The following P3H2 variants were observed in gnomAD, a reference collection of about 807,000 sequenced individuals.
P3H2 encodes the protein prolyl 3-hydroxylase 2.
Under a neutral mutation model 87.0 loss-of-function variants are expected in P3H2, and 80 were observed. The observed-to-expected ratio is 0.92, with a 90% confidence interval of 0.77 to 1.11. P3H2 has a LOEUF of 1.11. Among genes scored for constraint, P3H2 ranks in the 50% least tolerant of loss-of-function variants. The pLI is 0.00. For synonymous variants in P3H2, 367 were observed against 359.3 expected (o/e 1.02, Z -0.24); for missense variants, 1,001 against 923.9 (o/e 1.08, Z -1.08).
intron 1 of P3H2, among the ~76,000 whole-genome samples, chr3:190,068,315 C>T (rs73053184): frequency 6.6e-6 from 1 of 151,878 alleles, no homozygotes; most frequent in Admixed American, 6.6e-5. Flanking sequence ...TGAAAAGAAG[C>T]CTGGGAAATC....
chr3:190,044,717 G>A (rs1407127809), intron 1 of P3H2, among the ~76,000 whole-genome samples: 1 of 152,186 alleles, frequency 6.6e-6, no homozygotes, highest in African/African-American at 2.4e-5. Context: ...ATGGAGGAGT[G>A]ATTGATTGTA....
intron 1 of P3H2, among the ~76,000 whole-genome samples, chr3:190,072,192 A>AT (rs2108973643): frequency 6.6e-6 from 1 of 152,136 alleles, no homozygotes; most frequent in African/African-American, 2.4e-5. Flanking sequence ...CGCTTGGCTA[A>AT]TTTTTTGAAT....
intron 1 of P3H2, among the ~76,000 whole-genome samples, chr3:190,009,960 G>A (rs989548812): frequency 2.0e-5 from 3 of 152,120 alleles, no homozygotes; most frequent in African/African-American, 4.8e-5. Flanking sequence ...TCTAGGAGCT[G>A]AGGACGCTAA....
intron 1 of P3H2, among the ~76,000 whole-genome samples, chr3:190,044,703 A>G (rs1725745153): frequency 1.3e-5 from 2 of 152,198 alleles, no homozygotes; most frequent in African/African-American, 4.8e-5. Context: ...AAAAACTATC[A>G]CATATGGAGG....
intron 14 of P3H2, among the ~76,000 whole-genome samples, chr3:189,961,810 A>G (rs1447327414): frequency 6.6e-6 from 1 of 152,230 alleles, no homozygotes; most frequent in East Asian, 1.9e-4. Context: ...GATGTTTCCT[A>G]TTACAAAGGA....
At position 190,051,703 on chromosome 3, in the gene P3H2, C is replaced by T. The variant is rs77029166; in HGVS notation, c.481-56261G>A. Among the ~76,000 whole-genome samples the T allele has an allele frequency of 7.1e-3, 1,083 of 152,318 alleles. 19 individuals carry two copies. Among genetic ancestry groups the T allele is most frequent in the African/African-American group, 0.025 (1,035 of 41,560 alleles). ...CATTTTTAAGAACAAACATTACTTT[C>T]AAATCACTTTCCCTCTCCAAGATCT... On this transcript the variant is annotated intron_variant, in intron 1 of 14. Transcript: ENST00000319332.
intron 1 of P3H2, among the ~76,000 whole-genome samples, chr3:190,081,055 T>C (rs761103231): frequency 1.3e-5 from 2 of 152,224 alleles, no homozygotes; most frequent in African/African-American, 2.4e-5. Context: ...CCTTGGCTCT[T>C]CTCTTTGTTA....
intron 1 of P3H2, among the ~76,000 whole-genome samples, chr3:190,006,974 A>G (rs1724407256): frequency 6.6e-6 from 1 of 152,186 alleles, no homozygotes; most frequent in African/African-American, 2.4e-5. Context: ...TCTATGCATT[A>G]TCTATATGTG....
intron 1 of P3H2, among the ~76,000 whole-genome samples, chr3:190,100,535 T>C (rs964754739): frequency 6.6e-6 from 1 of 152,168 alleles, no homozygotes; most frequent in Non-Finnish European, 1.5e-5. Flanking sequence ...CAAGATTACA[T>C]ATTACAATCA....
chr3:190,069,849 C>A (rs1343509676), intron 1 of P3H2, among the ~76,000 whole-genome samples: 2 of 152,046 alleles, frequency 1.3e-5, no homozygotes, highest in Admixed American at 1.3e-4. Context: ...TTATGAGTGA[C>A]ATTTCAGAGC....
intron 1 of P3H2, among the ~76,000 whole-genome samples, chr3:190,045,189 A>G (rs2108957251): frequency 6.6e-6 from 1 of 152,312 alleles, no homozygotes; most frequent in African/African-American, 2.4e-5. Flanking sequence ...ACCTAATAAA[A>G]TTAGGGAAGG....
At chr3:190,103,245 T>C (rs1008971629) in intron 1 of P3H2, among the ~76,000 whole-genome samples, 1 of 152,182 alleles carries the variant, frequency 6.6e-6, no homozygotes, top group African/African-American at 2.4e-5. Flanking sequence ...GAACTGACAA[T>C]TCAAATTCAA....
Position 190,062,381 on chromosome 3 carries a change from T to C in P3H2, c.480+57871A>G, listed in dbSNP as rs541210605. 2.0e-5 allele frequency among the ~76,000 whole-genome samples: 3 copies of C among 152,294 alleles called. No homozygotes were observed. In the East Asian group the frequency reaches 5.8e-4, roughly 29 times the overall value. ...ATCCTTGATGCAAGCATCATTTATT[T>C]AATGCTCTAGTCTCAAAGTTCCTTG... On this transcript the variant is annotated intron_variant, in intron 1 of 14. Transcript: ENST00000319332.
At chr3:190,077,828 C>T (rs11919667) in intron 1 of P3H2, among the ~76,000 whole-genome samples, 11,550 of 152,208 alleles carry the variant, frequency 0.076, 1,213 homozygotes, top group African/African-American at 0.22. Context: ...GAACAAAGCT[C>T]TTATCAAGAT....
chr3:190,000,390 C>T (rs1186319219), intron 1 of P3H2, among the ~76,000 whole-genome samples: 3 of 152,318 alleles, frequency 2.0e-5, no homozygotes, highest in South Asian at 4.1e-4. Flanking sequence ...AGAATACCTA[C>T]GTGGTCAAGA....
intron 1 of P3H2, among the ~76,000 whole-genome samples, chr3:190,075,922 C>G (rs573396272): frequency 6.6e-6 from 1 of 152,134 alleles, no homozygotes; most frequent in Non-Finnish European, 1.5e-5. Flanking sequence ...CTTCCCACAA[C>G]TAACACTTTT....
At chr3:190,073,687 G>A (rs755581275) in intron 1 of P3H2, among the ~76,000 whole-genome samples, 6 of 152,094 alleles carry the variant, frequency 3.9e-5, no homozygotes, top group African/African-American at 7.2e-5. Flanking sequence ...GCTCAGTTAC[G>A]GCAAACTGAG....
At chr3:190,093,238 T>C (rs1247094790) in intron 1 of P3H2, among the ~76,000 whole-genome samples, 1 of 152,220 alleles carries the variant, frequency 6.6e-6, no homozygotes, top group African/African-American at 2.4e-5. Context: ...TAGCTCTGTG[T>C]CATTTGTCTG....
At chr3:189,968,636 T>C (rs1464782157) in intron 13 of P3H2, among the ~76,000 whole-genome samples, 2 of 152,172 alleles carry the variant, frequency 1.3e-5, no homozygotes, top group Non-Finnish European at 2.9e-5. Flanking sequence ...GGTCAAATGG[T>C]ATTTCTGGTT....
Sources: allele counts gnomAD v4.1 joint callset (sites outside exome capture counted in the v4.1 genomes callset), GRCh38; gene constraint gnomAD v4.1.1; transcripts MANE v1.5; gene names NCBI Gene and HGNC (gene_info 2026-07-23, HGNC 2026-07-21).